Variants in OPCML observed in about 807,000 individuals in gnomAD.
OPCML encodes opioid binding protein/cell adhesion molecule like, also known as opioid-binding protein/cell adhesion molecule.
Under a neutral mutation model 37.8 loss-of-function variants are expected in OPCML, and 13 were observed. That is an observed-to-expected ratio of 0.34 (90% CI 0.22 to 0.55). The LOEUF (loss-of-function observed/expected upper bound fraction) is 0.55, where lower values mean the gene tolerates loss of function less well. OPCML is among the 20% of genes least tolerant of loss of function. The probability of loss-of-function intolerance (pLI) is 0.91; values close to 1 mark genes in which losing one functional copy is unlikely to be tolerated. For missense variants in OPCML, 341 were observed against 435.6 expected, an observed-to-expected ratio of 0.78 and a Z score of 1.93; for synonymous variants, 176 against 168.8, an observed-to-expected ratio of 1.04 and a Z score of -0.33.
intron 4 of OPCML, among the ~76,000 whole-genome samples, chr11:132,488,178 C>T (rs1007758132): frequency 1.3e-5 from 2 of 152,200 alleles, no homozygotes; most frequent in Admixed American, 6.5e-5. Flanking sequence ...TTCTAAGAGG[C>T]CTTGTGAAAA....
intron 2 of OPCML, among the ~76,000 whole-genome samples, chr11:132,902,513 G>A (rs922264997): frequency 6.6e-6 from 1 of 152,170 alleles, no homozygotes; most frequent in Non-Finnish European, 1.5e-5. Flanking sequence ...AAACTATGCT[G>A]ACGATCTCAT....
At chr11:132,584,707 A>G (rs891029503) in intron 3 of OPCML, among the ~76,000 whole-genome samples, 14 of 152,196 alleles carry the variant, frequency 9.2e-5, no homozygotes, top group Non-Finnish European at 2.9e-5. Flanking sequence ...GGATTCCCCA[A>G]TAATACAGGC....
chr11:133,437,357 G>A (rs980372044), intron 1 of OPCML, among the ~76,000 whole-genome samples: 1 of 152,012 alleles, frequency 6.6e-6, no homozygotes, highest in Non-Finnish European at 1.5e-5. Flanking sequence ...TTTCTCTCTG[G>A]GCATCACCTT....
intron 1 of OPCML, among the ~76,000 whole-genome samples, chr11:133,373,046 CAA>C: frequency 6.6e-6 from 1 of 151,564 alleles, no homozygotes; most frequent in East Asian, 1.9e-4. Context: ...TAAGAAGTTT[CAA>C]AAAAAGAAAA....
intron 4 of OPCML, among the ~76,000 whole-genome samples, chr11:132,490,362 C>T (rs1351430872): frequency 6.6e-6 from 1 of 152,054 alleles, no homozygotes; most frequent in Admixed American, 6.5e-5. Flanking sequence ...CTGGAACTGC[C>T]ATTGAGGTTT....
intron 1 of OPCML, among the ~76,000 whole-genome samples, chr11:132,948,659 T>C (rs1292753937): frequency 6.6e-6 from 1 of 152,064 alleles, no homozygotes; most frequent in Non-Finnish European, 1.5e-5. Flanking sequence ...CAAAGCATCA[T>C]AAAATACAGA....
chr11:132,488,219 C>T lies in OPCML; in HGVS notation c.505+40842G>A, dbSNP rs560725199. 6.7e-4 allele frequency among the ~76,000 whole-genome samples: 102 copies of T among 152,326 alleles called. 1 individual carries two copies. Among genetic ancestry groups the T allele is most frequent in the African/African-American group, 2.4e-3 (98 of 41,582 alleles). ...TCTTGTGTGAAGCATTCTTTGATCA[C>T]CTCCTGCCCTATAGACAAAGTAATC... On this transcript the variant is annotated intron_variant, in intron 4 of 7. Coordinates refer to ENST00000524381, the MANE Select transcript of OPCML (RefSeq NM_001012393.5).
At chr11:133,480,649 T>C (rs1201299148) in intron 1 of OPCML, among the ~76,000 whole-genome samples, 1 of 152,262 alleles carries the variant, frequency 6.6e-6, no homozygotes, top group Non-Finnish European at 1.5e-5. Flanking sequence ...TGAAACTCTT[T>C]CTGACCCCTT....
At chr11:133,414,659 T>C (rs2045242627) in intron 1 of OPCML, among the ~76,000 whole-genome samples, 1 of 152,142 alleles carries the variant, frequency 6.6e-6, no homozygotes, top group South Asian at 2.1e-4. Flanking sequence ...CGAAGCCAGT[T>C]CTCAGGCTTT....
At chr11:132,559,994 G>A (rs61906378) in intron 3 of OPCML, among the ~76,000 whole-genome samples, 16,411 of 152,220 alleles carry the variant, frequency 0.11, 1,059 homozygotes, top group African/African-American at 0.17. Flanking sequence ...GCCTCACTCT[G>A]TGTGAGTAAA....
intron 4 of OPCML, among the ~76,000 whole-genome samples, chr11:132,504,840 C>A (rs1349001325): frequency 6.6e-6 from 1 of 151,986 alleles, no homozygotes; most frequent in African/African-American, 2.4e-5. Flanking sequence ...GTGAAGAGTG[C>A]TCAAGGGTGT....
chr11:133,035,742 C>G (rs79517279), intron 1 of OPCML, among the ~76,000 whole-genome samples: 28 of 152,212 alleles, frequency 1.8e-4, no homozygotes, highest in Middle Eastern at 6.8e-3. Flanking sequence ...GTGTGGTCGT[C>G]AGGGTTGGCC....
chr11:132,778,892 C>G (rs1946896782), intron 2 of OPCML, among the ~76,000 whole-genome samples: 1 of 150,812 alleles, frequency 6.6e-6, no homozygotes, highest in South Asian at 2.1e-4. Flanking sequence ...AGAATTTTAA[C>G]TGAATATTCC....
At chr11:132,623,037 T>C (rs1194371394) in intron 3 of OPCML, among the ~76,000 whole-genome samples, 2 of 152,164 alleles carry the variant, frequency 1.3e-5, no homozygotes. Flanking sequence ...TTATAAATTT[T>C]AGTAATTTTA....
intron 1 of OPCML, among the ~76,000 whole-genome samples, chr11:133,391,136 G>A (rs548246234): frequency 5.3e-5 from 8 of 152,310 alleles, no homozygotes; most frequent in Admixed American, 3.3e-4. Flanking sequence ...GAATGTCGAC[G>A]ATGTTGCAAT....
intron 4 of OPCML, among the ~76,000 whole-genome samples, chr11:132,470,426 G>A (rs2096134364): frequency 6.6e-6 from 1 of 152,194 alleles, no homozygotes; most frequent in Admixed American, 6.5e-5. Flanking sequence ...CTGAGACTGA[G>A]TGAATTAGGG....
At chr11:132,736,599 T>C (rs746842867) in intron 2 of OPCML, among the ~76,000 whole-genome samples, 7 of 152,206 alleles carry the variant, frequency 4.6e-5, no homozygotes. Flanking sequence ...AGTTACATCA[T>C]AAAAGACATT....
At chr11:132,652,660 G>A (rs1029853000) in intron 3 of OPCML, among the ~76,000 whole-genome samples, 4 of 152,194 alleles carry the variant, frequency 2.6e-5, no homozygotes, top group Non-Finnish European at 5.9e-5. Context: ...GACAAACACT[G>A]TGCCATCTCT....
At chr11:132,588,321 T>C (rs1334647016) in intron 3 of OPCML, among the ~76,000 whole-genome samples, 1 of 152,042 alleles carries the variant, frequency 6.6e-6, no homozygotes, top group Non-Finnish European at 1.5e-5. Context: ...CCCACAGAAA[T>C]GAGGTTCTTG....
Sources: gnomAD v4.1 joint callset for allele counts (sites outside exome capture counted in the v4.1 genomes callset) on GRCh38, gnomAD v4.1.1 for gene constraint, MANE v1.5 for transcripts, NCBI Gene and HGNC (gene_info 2026-07-23, HGNC 2026-07-21) for gene names.